The following PDE4B variants were observed in gnomAD, a reference collection of about 807,000 sequenced individuals.
PDE4B encodes the protein phosphodiesterase 4B.
A neutral mutation model predicts 82.2 loss-of-function variants in PDE4B; 20 were observed. That is an observed-to-expected ratio of 0.24 (90% CI 0.17 to 0.35). The LOEUF (loss-of-function observed/expected upper bound fraction) is 0.35. PDE4B is among the 10% of genes least tolerant of loss of function. PDE4B has a pLI of 1.00. For synonymous variants in PDE4B, 320 were observed against 318.9 expected (o/e 1.00, Z -0.04); for missense variants, 655 against 907.2 (o/e 0.72, Z 3.57).
chr1:66,347,436 C>A lies in PDE4B; in HGVS notation c.748-8091C>A, dbSNP rs546977955. ...AACCTCCAACCTGTTACAAATTTTC[C>A]TCAATTTGCCGGTGCATACTCTAGC... On this transcript the variant is annotated intron_variant, in intron 8 of 16. Coordinates refer to ENST00000341517, the MANE Select transcript of PDE4B (RefSeq NM_002600.4). Among the ~76,000 whole-genome samples, 8 of 152,236 alleles carry A rather than the reference C, an allele frequency of 5.3e-5. No individual in the cohort carries two copies. The East Asian group carries it at 9.6e-4, about 18-fold the overall frequency.
chr1:66,181,312 C>T (rs557707088), intron 3 of PDE4B, among the ~76,000 whole-genome samples: 6 of 152,212 alleles, frequency 3.9e-5, no homozygotes, highest in South Asian at 2.1e-4. Context: ...AAATATTACC[C>T]GATTGGCAAG....
chr1:65,943,262 C>T (rs564482163), intron 3 of PDE4B, among the ~76,000 whole-genome samples: 45 of 151,700 alleles, frequency 3.0e-4, no homozygotes, highest in South Asian at 2.1e-3. Flanking sequence ...CGTTTATTAA[C>T]GAATATTCTC....
chr1:66,096,506 A>AGTC (rs1437398010), intron 3 of PDE4B, among the ~76,000 whole-genome samples: 1 of 111,498 alleles, frequency 9.0e-6, no homozygotes, highest in Non-Finnish European at 1.8e-5. Context: ...AAGTAAAAAA[A>AGTC]ATTATATATA....
intron 3 of PDE4B, among the ~76,000 whole-genome samples, chr1:66,129,646 C>T (rs1645895321): frequency 8.2e-6 from 1 of 122,292 alleles, no homozygotes; most frequent in Admixed American, 9.7e-5. Flanking sequence ...GGCGACAGAG[C>T]GAGACTCCGT....
chr1:66,043,566 T>C (rs539002052), intron 3 of PDE4B, among the ~76,000 whole-genome samples: 2 of 151,770 alleles, frequency 1.3e-5, no homozygotes, highest in Admixed American at 1.3e-4. Context: ...CTTTCGGGGG[T>C]TTCTGGTACA....
At chr1:66,101,412 C>T (rs1172056881) in intron 3 of PDE4B, among the ~76,000 whole-genome samples, 1 of 152,194 alleles carries the variant, frequency 6.6e-6, no homozygotes, top group Non-Finnish European at 1.5e-5. Context: ...ACCACACTGT[C>T]TTCCACAATG....
intron 8 of PDE4B, among the ~76,000 whole-genome samples, chr1:66,341,632 G>A (rs1305346623): frequency 1.3e-5 from 2 of 152,096 alleles, no homozygotes; most frequent in African/African-American, 4.8e-5. Context: ...TCAAAGTTTA[G>A]GTAGTAAAAA....
At chr1:65,815,476 G>C (rs1645871924) in intron 1 of PDE4B, among the ~76,000 whole-genome samples, 1 of 152,032 alleles carries the variant, frequency 6.6e-6, no homozygotes, top group Non-Finnish European at 1.5e-5. Flanking sequence ...GAGAATAAAT[G>C]CAACATGGTA....
At chr1:65,875,594 A>G (rs1646630371) in intron 1 of PDE4B, among the ~76,000 whole-genome samples, 1 of 146,966 alleles carries the variant, frequency 6.8e-6, no homozygotes, top group Middle Eastern at 3.2e-3. Context: ...AATGTGGCAC[A>G]TATACACCAT....
chr1:65,864,425 T>C (rs1646488138), intron 1 of PDE4B, among the ~76,000 whole-genome samples: 1 of 152,094 alleles, frequency 6.6e-6, no homozygotes, highest in Non-Finnish European at 1.5e-5. Flanking sequence ...TTGCGATCAT[T>C]TGGAGAAGAG....
chr1:66,264,837 C>T (rs1264069228), intron 6 of PDE4B, among the ~76,000 whole-genome samples: 2 of 152,234 alleles, frequency 1.3e-5, no homozygotes, highest in Non-Finnish European at 2.9e-5. Flanking sequence ...TGGCTTCGTT[C>T]TCACGCTTGC....
intron 3 of PDE4B, among the ~76,000 whole-genome samples, chr1:66,174,753 AAGCAACAAC>A (rs1326088851): frequency 2.0e-5 from 2 of 98,330 alleles, no homozygotes; most frequent in African/African-American, 9.8e-5. Flanking sequence ...ATCTCAAAAA[AAGCAACAAC>A]AACAACAACA....
intron 3 of PDE4B, among the ~76,000 whole-genome samples, chr1:66,065,757 G>A (rs1283614261): frequency 6.6e-6 from 1 of 151,792 alleles, no homozygotes; most frequent in East Asian, 1.9e-4. Context: ...AATGAACACT[G>A]AAATTCAGTT....
Position 66,372,713 on chromosome 1 carries a change from T to C in PDE4B, c.*35T>C. The C allele has an allele frequency of 6.3e-7, 1 of 1,578,786 alleles. No homozygotes were observed. Among genetic ancestry groups the C allele is most frequent in the Non-Finnish European group, 8.6e-7 (1 of 1,160,926 alleles). On this transcript the variant is annotated 3_prime_UTR_variant, in exon 17 of 17. Transcript: ENST00000341517. ...CCCTGTGGAGATGAACATTCTATCCTTGATGAGCATGCCAGCTATGTGGTA... is the reference window on the plus strand; with the variant it reads ...CCCTGTGGAGATGAACATTCTATCCCTGATGAGCATGCCAGCTATGTGGTA...
At chr1:66,090,253 A>G (rs1644985329) in intron 3 of PDE4B, among the ~76,000 whole-genome samples, 1 of 151,946 alleles carries the variant, frequency 6.6e-6, no homozygotes, top group Admixed American at 6.6e-5. Flanking sequence ...AAAAGGAAGT[A>G]TCTCTTCTTA....
chr1:65,916,317 G>A (rs1234288005), intron 2 of PDE4B, among the ~76,000 whole-genome samples: 2 of 152,038 alleles, frequency 1.3e-5, no homozygotes, highest in Admixed American at 1.3e-4. Flanking sequence ...TTTTGTGATA[G>A]GTGTGACTTT....
intron 3 of PDE4B, among the ~76,000 whole-genome samples, chr1:66,177,936 A>G (rs1260747491): frequency 1.3e-5 from 2 of 151,954 alleles, no homozygotes; most frequent in Non-Finnish European, 2.9e-5. Flanking sequence ...ATCAAAAATC[A>G]CTTTCTAAGA....
intron 1 of PDE4B, among the ~76,000 whole-genome samples, chr1:65,910,713 G>A (rs573385242): frequency 1.3e-5 from 2 of 152,282 alleles, no homozygotes; most frequent in East Asian, 3.9e-4. Flanking sequence ...GAACGTTTTA[G>A]CCATGGCTAC....
At chr1:66,043,030 G>A (rs572587768) in intron 3 of PDE4B, among the ~76,000 whole-genome samples, 1 of 151,780 alleles carries the variant, frequency 6.6e-6, no homozygotes, top group South Asian at 2.1e-4. Flanking sequence ...AAAGTCTAAT[G>A]TGATGTGTGA....
Sources: gnomAD v4.1 joint callset for allele counts (sites outside exome capture counted in the v4.1 genomes callset) on GRCh38, gnomAD v4.1.1 for gene constraint, MANE v1.5 for transcripts, NCBI Gene and HGNC (gene_info 2026-07-23, HGNC 2026-07-21) for gene names.